Variants in ZNF738 observed in about 807,000 individuals in gnomAD.
The protein encoded by ZNF738 is protein ZNF738.
A neutral mutation model predicts 9.2 loss-of-function variants in ZNF738; 10 were observed. That is an observed-to-expected ratio of 1.09 (90% CI 0.67 to 1.85). The LOEUF is 1.85. Ranked by LOEUF, ZNF738 falls within the 40% of genes most tolerant of loss-of-function variation. The pLI, the probability that ZNF738 is intolerant of heterozygous loss-of-function variation, is 0.00. For synonymous variants in ZNF738, 113 were observed against 94.5 expected (o/e 1.20, Z -1.14); for missense variants, 346 against 283.6 (o/e 1.22, Z -1.58).
chr19:21,359,265 C>T (rs961608968), intron 1 of ZNF738, 122 bp downstream of exon 1: 12 of 806,832 alleles, frequency 1.5e-5, no homozygotes, highest in Non-Finnish European at 2.2e-5. Flanking sequence ...CCCGAGTTCT[C>T]CTTGCCCAGC....
intron 2 of ZNF738, among the ~76,000 whole-genome samples, chr19:21,374,835 A>G (rs1350499237): frequency 3.9e-5 from 6 of 152,212 alleles, no homozygotes; most frequent in Admixed American, 6.5e-5. Flanking sequence ...CTGAAAAAAA[A>G]AAATCTGCAT....
At chr19:21,365,503 A>G (rs1433914563) in intron 2 of ZNF738, among the ~76,000 whole-genome samples, 1 of 152,152 alleles carries the variant, frequency 6.6e-6, no homozygotes, top group African/African-American at 2.4e-5. Context: ...TAACTACTTC[A>G]TGCTGTATAG....
intron 2 of ZNF738, among the ~76,000 whole-genome samples, chr19:21,373,159 T>G (rs1973878632): frequency 1.3e-5 from 2 of 152,172 alleles, no homozygotes; most frequent in East Asian, 3.9e-4. Flanking sequence ...TACCAAGTGA[T>G]TTTTGAGCTC....
chr19:21,365,744 G>T (rs915110480), intron 2 of ZNF738, among the ~76,000 whole-genome samples: 3 of 152,050 alleles, frequency 2.0e-5, no homozygotes, highest in African/African-American at 7.2e-5. Flanking sequence ...ATCGCTTGAG[G>T]TCAGGAGTTC....
At chr19:21,367,750 C>T (rs1973801810) in intron 2 of ZNF738, among the ~76,000 whole-genome samples, 1 of 152,090 alleles carries the variant, frequency 6.6e-6, no homozygotes, top group Non-Finnish European at 1.5e-5. Context: ...CAGCTGCCAC[C>T]ACAGGATTCC....
intron 2 of ZNF738, among the ~76,000 whole-genome samples, chr19:21,374,273 C>T (rs186782831): frequency 9.1e-4 from 138 of 151,514 alleles, no homozygotes; most frequent in East Asian, 4.3e-3. Flanking sequence ...GCGAGATACC[C>T]GCTTTCTAGG....
intron 2 of ZNF738, among the ~76,000 whole-genome samples, chr19:21,371,345 G>A (rs1053071664): frequency 2.0e-5 from 3 of 152,180 alleles, no homozygotes; most frequent in Non-Finnish European, 4.4e-5. Flanking sequence ...GACATTTGAG[G>A]ATGTCAAGGG....
rs192311892 is a variant in ZNF738, at chr19:21,367,761, C to T, written c.96+5903C>T. Among the ~76,000 whole-genome samples, 309 of 152,242 alleles carry T rather than the reference C, an allele frequency of 2.0e-3. 1 individual carries two copies. Among genetic ancestry groups the T allele is most frequent in the Non-Finnish European group, 3.2e-3 (219 of 68,010 alleles). ...CTCACAGCTGCCACCACAGGATTCCCACCCACTCACAAACACACCCACTAG... is the reference window on the plus strand; with the variant it reads ...CTCACAGCTGCCACCACAGGATTCCTACCCACTCACAAACACACCCACTAG... On this transcript the variant is annotated intron_variant, in intron 2 of 4. Coordinates refer to ENST00000683779, the MANE Select transcript of ZNF738 (RefSeq NM_001355237.2).
chr19:21,363,617 G>A (rs1195359628), intron 2 of ZNF738, among the ~76,000 whole-genome samples: 2 of 152,100 alleles, frequency 1.3e-5, no homozygotes, highest in African/African-American at 2.4e-5. Context: ...ACCCAGGCAC[G>A]GTGGTTCATG....
At chr19:21,361,636 T>A (rs2145216149) in intron 1 of ZNF738, 130 bp from the exon 2 acceptor site, 1 of 683,802 alleles carries the variant, frequency 1.5e-6, no homozygotes, top group Middle Eastern at 3.1e-4. Flanking sequence ...TGATGTGTCC[T>A]CAGCCACCGT....
rs1330063812 is a variant in ZNF738, at chr19:21,387,022, A to C, written c.*3348A>C. On this transcript the variant is annotated 3_prime_UTR_variant, in exon 5 of 5. Transcript: ENST00000683779. ...GCTCAGCCACTAGTCCTCAGATCTT[A>C]ACACACATAAGATAATTCATACTGG... The C allele has an allele frequency of 6.6e-6, 1 of 152,288 alleles. No individual in the cohort carries two copies. The highest frequency in any genetic ancestry group is 2.4e-5 in the African/African-American group (1 of 41,298). 9.4% of individuals were successfully genotyped at this position (152,288 alleles called of 1,614,324 possible). A position where few individuals can be genotyped will look rare whatever the true frequency, so the allele number is the denominator to read the frequency against.
At chr19:21,380,443 G>C (rs1370416878) in intron 4 of ZNF738, among the ~76,000 whole-genome samples, 1 of 152,162 alleles carries the variant, frequency 6.6e-6, no homozygotes, top group African/African-American at 2.4e-5. Context: ...TGGAGTGGGG[G>C]TGGACAGGAG....
intron 1 of ZNF738, among the ~76,000 whole-genome samples, chr19:21,359,477 C>T (rs888110792): frequency 1.3e-5 from 2 of 152,122 alleles, no homozygotes; most frequent in African/African-American, 4.8e-5. Flanking sequence ...ACTTGGGGTG[C>T]GGGTTCATGA....
intron 4 of ZNF738, chr19:21,377,501 C>G: frequency 1.5e-6 from 1 of 681,142 alleles, no homozygotes; most frequent in South Asian, 1.6e-5. Context: ...TACACACAGA[C>G]ACACAGACGT....
intron 2 of ZNF738, among the ~76,000 whole-genome samples, chr19:21,363,050 A>G (rs1472375329): frequency 6.6e-6 from 1 of 152,208 alleles, no homozygotes; most frequent in East Asian, 1.9e-4. Flanking sequence ...GCTAAATTTT[A>G]TGAGATGAAA....
chr19:21,362,443 G>C (rs934588654), intron 2 of ZNF738, among the ~76,000 whole-genome samples: 11 of 152,188 alleles, frequency 7.2e-5, no homozygotes, highest in Non-Finnish European at 1.3e-4. Context: ...ATAGTGCAGT[G>C]TCTCCTGAAT....
At chr19:21,365,540 T>C (rs947490927) in intron 2 of ZNF738, among the ~76,000 whole-genome samples, 1 of 152,188 alleles carries the variant, frequency 6.6e-6, no homozygotes, top group African/African-American at 2.4e-5. Context: ...GCTTAACTAT[T>C]AGAGTCTTTT....
At chr19:21,367,970 T>G (rs111806606) in intron 2 of ZNF738, among the ~76,000 whole-genome samples, 1,599 of 152,364 alleles carry the variant, frequency 0.01, 18 homozygotes, top group Middle Eastern at 0.092. Context: ...ATGGAGCACC[T>G]GTTCATAATC....
chr19:21,374,458 A>G (rs1973899841), intron 2 of ZNF738, among the ~76,000 whole-genome samples: 1 of 152,250 alleles, frequency 6.6e-6, no homozygotes, highest in African/African-American at 2.4e-5. Context: ...TCAGCACATC[A>G]CAAAAATTTG....
Sources: gnomAD v4.1 joint callset for allele counts (sites outside exome capture counted in the v4.1 genomes callset) on GRCh38, gnomAD v4.1.1 for gene constraint, MANE v1.5 for transcripts, NCBI Gene and HGNC (gene_info 2026-07-23, HGNC 2026-07-21) for gene names.